BORCS5: variants seen among roughly 807,000 people sequenced by gnomAD.
BORCS5 encodes the protein BLOC-1-related complex subunit 5.
A neutral mutation model predicts 22.1 loss-of-function variants in BORCS5; 17 were observed. The ratio of observed to expected loss-of-function variants is 0.77; its 90% CI spans 0.53 to 1.15. The LOEUF (loss-of-function observed/expected upper bound fraction) is 1.15. BORCS5 is among the 50% of genes most tolerant of loss of function. The pLI, the probability that BORCS5 is intolerant of heterozygous loss-of-function variation, is 0.00. For synonymous variants in BORCS5, 117 were observed against 99.8 expected, an observed-to-expected ratio of 1.17 and a Z score of -1.03; for missense variants, 247 against 253.2, an observed-to-expected ratio of 0.98 and a Z score of 0.17.
intron 2 of BORCS5, among the ~76,000 whole-genome samples, chr12:12,387,330 T>C (rs1255194460): frequency 6.6e-6 from 1 of 151,610 alleles, no homozygotes. Flanking sequence ...GCAGTTACAA[T>C]ATATGACAGA....
In BORCS5 at chr12:12,470,268, C is replaced by T. The variant is rs1943271308; in HGVS notation, c.*4492C>T. Among the ~76,000 whole-genome samples the T allele has an allele frequency of 6.6e-6, 1 of 152,164 alleles. No homozygotes were observed. Among genetic ancestry groups the T allele is most frequent in the East Asian group, 1.9e-4 (1 of 5,188 alleles). On this transcript the variant is annotated 3_prime_UTR_variant, in exon 4 of 4. Coordinates refer to ENST00000314565, the MANE Select transcript of BORCS5 (RefSeq NM_058169.6). ...TATTTTTAGTAGAGATGGGGTTTCA[C>T]CATGTTGGCCAGGCAGGTCTCAAAC...
At chr12:12,358,673 C>T (rs1863206176) in intron 1 of BORCS5, among the ~76,000 whole-genome samples, 2 of 152,160 alleles carry the variant, frequency 1.3e-5, no homozygotes, top group Non-Finnish European at 1.5e-5. Context: ...CCCCTGTGCC[C>T]GGTACTTTAC....
chr12:12,418,101 G>C (rs998428783), intron 2 of BORCS5, among the ~76,000 whole-genome samples: 1 of 151,302 alleles, frequency 6.6e-6, no homozygotes, highest in Non-Finnish European at 1.5e-5. Context: ...TCAGCTCACT[G>C]CAAGGTCTGC....
intron 3 of BORCS5, chr12:12,452,063 T>C (rs895148207): frequency 9.2e-6 from 4 of 432,924 alleles, no homozygotes; most frequent in African/African-American, 6.2e-5. Flanking sequence ...TACGTGACTT[T>C]CCCCCCTGGA....
At chr12:12,460,267 C>T (rs1009148601) in intron 3 of BORCS5, among the ~76,000 whole-genome samples, 1 of 152,190 alleles carries the variant, frequency 6.6e-6, no homozygotes, top group African/African-American at 2.4e-5. Flanking sequence ...ATGTTGCCGA[C>T]GCAGTTGTAA....
chr12:12,458,999 T>C, intron 3 of BORCS5, among the ~76,000 whole-genome samples: 1 of 151,648 alleles, frequency 6.6e-6, no homozygotes, highest in South Asian at 2.1e-4. Flanking sequence ...AAGAGAGAGA[T>C]AGTCTCCTGC....
At chr12:12,424,350 A>C (rs1400996921) in intron 2 of BORCS5, among the ~76,000 whole-genome samples, 1 of 152,140 alleles carries the variant, frequency 6.6e-6, no homozygotes, top group Non-Finnish European at 1.5e-5. Context: ...TTTTCGTATC[A>C]GTTATTTCAG....
chr12:12,466,003 G>A lies in BORCS5; in HGVS notation c.*227G>A. ...TAACCAGTTCTCGGTGATAACTGAAGCTGGAACGTGTGAATTATTAGGAAT... is the reference window on the plus strand; with the variant it reads ...TAACCAGTTCTCGGTGATAACTGAAACTGGAACGTGTGAATTATTAGGAAT... On this transcript the variant is annotated 3_prime_UTR_variant, in exon 4 of 4. Transcript: ENST00000314565. 1 of 503,696 alleles carries A rather than the reference G, an allele frequency of 2.0e-6. No individual in the cohort carries two copies. The highest frequency in any genetic ancestry group is 3.2e-5 in the East Asian group (1 of 31,138). 31.2% of individuals were successfully genotyped at this position (503,696 alleles called of 1,614,324 possible). A position where few individuals can be genotyped will look rare whatever the true frequency, so the allele number is the denominator to read the frequency against.
At chr12:12,373,617 T>C (rs1863578264) in intron 2 of BORCS5, among the ~76,000 whole-genome samples, 1 of 152,204 alleles carries the variant, frequency 6.6e-6, no homozygotes. Context: ...AGTTTTTCCA[T>C]TTTACTTATA....
chr12:12,447,228 C>G (rs1942807600), intron 3 of BORCS5, among the ~76,000 whole-genome samples: 1 of 152,212 alleles, frequency 6.6e-6, no homozygotes. Context: ...CCAGCCTCCA[C>G]TCCTGCTCCC....
intron 2 of BORCS5, among the ~76,000 whole-genome samples, chr12:12,383,234 A>T (rs1863812338): frequency 6.6e-6 from 1 of 151,324 alleles, no homozygotes; most frequent in Non-Finnish European, 1.5e-5. Flanking sequence ...ATTAATACTA[A>T]CTTAATTCTG....
chr12:12,437,539 T>C (rs924146633), intron 3 of BORCS5, among the ~76,000 whole-genome samples: 1 of 152,198 alleles, frequency 6.6e-6, no homozygotes, highest in Non-Finnish European at 1.5e-5. Flanking sequence ...ACTAGTCCCA[T>C]ATAAAGAGGT....
intron 2 of BORCS5, among the ~76,000 whole-genome samples, chr12:12,395,555 G>A (rs545584935): frequency 1.2e-4 from 18 of 151,224 alleles, no homozygotes; most frequent in Middle Eastern, 3.4e-3. Flanking sequence ...CCAGCGTGCC[G>A]GGATTACAGG....
intron 2 of BORCS5, among the ~76,000 whole-genome samples, chr12:12,376,440 A>G (rs1260824200): frequency 2.7e-5 from 4 of 150,880 alleles, no homozygotes; most frequent in African/African-American, 9.8e-5. Flanking sequence ...TCACAGTGTT[A>G]GCCAGGATAG....
chr12:12,439,738 AT>A (rs1223184151), intron 3 of BORCS5, among the ~76,000 whole-genome samples: 1 of 152,242 alleles, frequency 6.6e-6, no homozygotes, highest in African/African-American at 2.4e-5. Context: ...GTACTGAGCA[AT>A]ACCTCAGCAG....
chr12:12,403,412 C>T (rs944270730), intron 2 of BORCS5, among the ~76,000 whole-genome samples: 6 of 152,180 alleles, frequency 3.9e-5, no homozygotes, highest in African/African-American at 9.7e-5. Context: ...AGCTGCTCTT[C>T]CCCGTGGCTT....
chr12:12,424,166 C>A (rs1458978038), intron 2 of BORCS5, among the ~76,000 whole-genome samples: 1 of 152,118 alleles, frequency 6.6e-6, no homozygotes, highest in African/African-American at 2.4e-5. Context: ...TTGGGACTCC[C>A]ACAATGCATA....
chr12:12,430,784 C>G (rs909094811), intron 2 of BORCS5, among the ~76,000 whole-genome samples: 1 of 152,090 alleles, frequency 6.6e-6, no homozygotes, highest in African/African-American at 2.4e-5. Flanking sequence ...TGAACATATA[C>G]TCTTGTTTAC....
rs1371352272 is a variant in BORCS5 at position 12,414,069 on chromosome 12, C to G, written c.203-21559C>G. On this transcript the variant is annotated intron_variant, in intron 2 of 3. Transcript: ENST00000314565. ...CTGGCCAGGCGGGGGGCTGATCCCC[C>G]CACATCCCTCCCGGACGGGGCGGCT... Among the ~76,000 whole-genome samples the G allele has an allele frequency of 2.4e-5, 2 of 81,770 alleles. 1 individual carries two copies. The highest frequency in any genetic ancestry group is 1.2e-4 in the African/African-American group (2 of 16,244). The allele number at this position is 81,770 out of a possible 152,430, so 53.6% of individuals were successfully genotyped here.
Sources: allele counts gnomAD v4.1 joint callset (sites outside exome capture counted in the v4.1 genomes callset), GRCh38; gene constraint gnomAD v4.1.1; transcripts MANE v1.5; gene names NCBI Gene and HGNC (gene_info 2026-07-23, HGNC 2026-07-21).